Variants in PCDH9 observed in about 807,000 individuals in gnomAD.
The protein encoded by PCDH9 is protocadherin-9.
Under a neutral mutation model 70.6 loss-of-function variants are expected in PCDH9, and 24 were observed. The ratio of observed to expected loss-of-function variants is 0.34; its 90% CI spans 0.25 to 0.48. The LOEUF (loss-of-function observed/expected upper bound fraction) is 0.48, where lower values mean the gene tolerates loss of function less well. Among genes scored for constraint, PCDH9 ranks in the 20% least tolerant of loss-of-function variants. The pLI is 0.99. For missense variants in PCDH9, 1,281 were observed against 1,503.6 expected (o/e 0.85, Z 2.45); for synonymous variants, 562 against 558.5 (o/e 1.01, Z -0.09).
Position 66,382,688 on chromosome 13 carries a change from A to G in PCDH9, c.3341-77660T>C, listed in dbSNP as rs117727172. Among the ~76,000 whole-genome samples the G allele has an allele frequency of 5.0e-3, 761 of 152,334 alleles. 23 individuals are homozygous for G. In the East Asian group the frequency reaches 0.075, roughly 15 times the overall value. On this transcript the variant is annotated intron_variant, in intron 4 of 4. Transcript: ENST00000377865. ...AATAGTGAGGATTTCTGATTTTTCT[A>G]TAACTCAAAGACAAGCTGTAATATG...
At chr13:66,897,079 G>A (rs2082193430) in intron 3 of PCDH9, among the ~76,000 whole-genome samples, 1 of 152,100 alleles carries the variant, frequency 6.6e-6, no homozygotes, top group African/African-American at 2.4e-5. Flanking sequence ...ATGGTAACAT[G>A]TTGATATGAG....
At chr13:66,791,288 T>C (rs187960249) in intron 3 of PCDH9, among the ~76,000 whole-genome samples, 1 of 152,254 alleles carries the variant, frequency 6.6e-6, no homozygotes, top group East Asian at 1.9e-4. Flanking sequence ...TTTGAACTTA[T>C]GATGAAATTT....
chr13:66,478,428 C>CA (rs1672905311), intron 4 of PCDH9, among the ~76,000 whole-genome samples: 1 of 152,182 alleles, frequency 6.6e-6, no homozygotes, highest in African/African-American at 2.4e-5. Flanking sequence ...TGCTTACTGA[C>CA]AAAAGGCATG....
At chr13:67,158,389 T>G (rs913654690) in intron 2 of PCDH9, among the ~76,000 whole-genome samples, 1 of 152,232 alleles carries the variant, frequency 6.6e-6, no homozygotes, top group Non-Finnish European at 1.5e-5. Flanking sequence ...CCCTAAAGCA[T>G]GAATACTGCT....
At chr13:67,072,916 G>T (rs936439744) in intron 2 of PCDH9, among the ~76,000 whole-genome samples, 2 of 152,070 alleles carry the variant, frequency 1.3e-5, no homozygotes, top group Non-Finnish European at 2.9e-5. Flanking sequence ...ATTCTCAAAG[G>T]CTAACAAATT....
At chr13:66,544,137 AAG>A (rs1460994837) in intron 4 of PCDH9, among the ~76,000 whole-genome samples, 1 of 152,190 alleles carries the variant, frequency 6.6e-6, no homozygotes, top group Non-Finnish European at 1.5e-5. Flanking sequence ...GCCTTATTTA[AAG>A]AGCAGCAAGC....
chr13:66,958,473 G>C (rs2083296343), intron 2 of PCDH9, among the ~76,000 whole-genome samples: 2 of 152,126 alleles, frequency 1.3e-5, no homozygotes, highest in Non-Finnish European at 2.9e-5. Context: ...AAACAGAATA[G>C]AGAAAGATGG....
At chr13:66,316,975 G>A (rs1209173426) in intron 4 of PCDH9, among the ~76,000 whole-genome samples, 5 of 151,982 alleles carry the variant, frequency 3.3e-5, no homozygotes, top group Non-Finnish European at 4.4e-5. Context: ...CAACCTCCTC[G>A]GCCTCCCAAA....
At chr13:66,815,655 T>C (rs2080589956) in intron 3 of PCDH9, among the ~76,000 whole-genome samples, 1 of 152,182 alleles carries the variant, frequency 6.6e-6, no homozygotes, top group Admixed American at 6.5e-5. Flanking sequence ...TGAACTAACA[T>C]AGTTACAGAA....
intron 4 of PCDH9, among the ~76,000 whole-genome samples, chr13:66,462,369 A>G (rs994277304): frequency 2.6e-5 from 4 of 151,938 alleles, no homozygotes; most frequent in Admixed American, 2.6e-4. Context: ...GTTATCAGAA[A>G]TAAGGAAGTC....
intron 4 of PCDH9, among the ~76,000 whole-genome samples, chr13:66,339,837 C>A (rs974461267): frequency 1.3e-5 from 2 of 152,092 alleles, no homozygotes; most frequent in Admixed American, 1.3e-4. Flanking sequence ...TAGTTCACTT[C>A]TTTGGTTTTC....
intron 4 of PCDH9, among the ~76,000 whole-genome samples, chr13:66,582,411 C>A (rs1262772646): frequency 6.6e-6 from 1 of 151,926 alleles, no homozygotes; most frequent in East Asian, 1.9e-4. Flanking sequence ...GGCAGGAGGA[C>A]CAATTGAGGT....
intron 3 of PCDH9, among the ~76,000 whole-genome samples, chr13:66,877,398 T>C (rs1185790773): frequency 6.6e-6 from 1 of 150,858 alleles, no homozygotes; most frequent in Non-Finnish European, 1.5e-5. Flanking sequence ...TTTTTTTTTG[T>C]TATTATTTTT....
intron 2 of PCDH9, among the ~76,000 whole-genome samples, chr13:67,076,855 C>T (rs768060142): frequency 2.6e-5 from 4 of 152,102 alleles, no homozygotes; most frequent in Non-Finnish European, 5.9e-5. Context: ...TAACATAACA[C>T]ATATGTTTAT....
chr13:67,209,218 G>A (rs369387207), intron 2 of PCDH9: 25 of 152,196 alleles, frequency 1.6e-4, no homozygotes, highest in African/African-American at 5.5e-4. Flanking sequence ...TGTCATTGGC[G>A]CACTTGGAAG....
chr13:66,813,870 A>G (rs2080555552), intron 3 of PCDH9, among the ~76,000 whole-genome samples: 1 of 152,180 alleles, frequency 6.6e-6, no homozygotes, highest in Non-Finnish European at 1.5e-5. Context: ...TAATTGGTCT[A>G]AATAAAAAAA....
intron 2 of PCDH9, among the ~76,000 whole-genome samples, chr13:67,152,946 C>A (rs1266878986): frequency 6.6e-6 from 1 of 152,086 alleles, no homozygotes; most frequent in African/African-American, 2.4e-5. Flanking sequence ...GGTAATGACA[C>A]TTCCTATGTA....
At chr13:66,870,314 T>C (rs541516361) in intron 3 of PCDH9, among the ~76,000 whole-genome samples, 5 of 152,282 alleles carry the variant, frequency 3.3e-5, no homozygotes, top group African/African-American at 1.2e-4. Flanking sequence ...CATGCTGTTT[T>C]GGTTACTGTA....
Position 66,755,317 on chromosome 13 carries a change from A to C in PCDH9, c.3139-123906T>G, listed in dbSNP as rs779529367. 2.6e-5 allele frequency among the ~76,000 whole-genome samples: 4 copies of C among 152,178 alleles called. No homozygotes were observed. In the East Asian group the frequency reaches 7.7e-4, roughly 29 times the overall value. On this transcript the variant is annotated intron_variant, in intron 3 of 4. Transcript: ENST00000377865. ...ACATCACACAGTTAGTGTATTGTAA[A>C]CACTCTTGAGAGTTAGGACTGTCTT... is the stretch of plus-strand genomic sequence containing the variant.
Sources: allele counts gnomAD v4.1 joint callset (sites outside exome capture counted in the v4.1 genomes callset), GRCh38; gene constraint gnomAD v4.1.1; transcripts MANE v1.5; gene names NCBI Gene and HGNC (gene_info 2026-07-23, HGNC 2026-07-21).